CADM1: variants seen among roughly 807,000 people sequenced by gnomAD.
CADM1 encodes the protein TSLC-1.
In CADM1, 15 loss-of-function variants were observed where a neutral mutation model predicts 53.1. The observed-to-expected ratio is 0.28, with a 90% CI of 0.19 to 0.44. CADM1 has a LOEUF of 0.44. Among genes scored for constraint, CADM1 ranks in the 20% least tolerant of loss-of-function variants. The probability of loss-of-function intolerance (pLI) is 1.00; values close to 1 mark genes in which losing one functional copy is unlikely to be tolerated. For missense variants in CADM1, 434 were observed against 611.3 expected (o/e 0.71, Z 3.06); for synonymous variants, 281 against 243.0 (o/e 1.16, Z -1.45).
chr11:115,343,488 T>A (rs1308234528), intron 1 of CADM1, among the ~76,000 whole-genome samples: 1 of 152,122 alleles, frequency 6.6e-6, no homozygotes, highest in Non-Finnish European at 1.5e-5. Context: ...GACAGTCTGG[T>A]TAACTTATAC....
intron 8 of CADM1, among the ~76,000 whole-genome samples, chr11:115,207,549 T>C (rs1940755592): frequency 6.6e-6 from 1 of 151,466 alleles, no homozygotes; most frequent in Non-Finnish European, 1.5e-5. Flanking sequence ...AGATTGATTG[T>C]GAGGGGGAGG....
chr11:115,306,892 TA>T (rs1944390044), intron 1 of CADM1, among the ~76,000 whole-genome samples: 1 of 151,916 alleles, frequency 6.6e-6, no homozygotes, highest in Non-Finnish European at 1.5e-5. Flanking sequence ...TGGGCCTCAG[TA>T]AAAACTCGAT....
chr11:115,305,900 C>CAAAAA (rs35517673), intron 1 of CADM1, among the ~76,000 whole-genome samples: 166 of 80,766 alleles, frequency 2.1e-3, no homozygotes, highest in Middle Eastern at 6.5e-3. Context: ...GACTCCATCT[C>CAAAAA]AAAAAAAAAA....
intron 5 of CADM1, among the ~76,000 whole-genome samples, chr11:115,223,808 T>C (rs1941492672): frequency 1.3e-5 from 2 of 151,902 alleles, no homozygotes; most frequent in Admixed American, 6.6e-5. Flanking sequence ...AAAGAAATAA[T>C]AGGTTAAAAA....
At chr11:115,230,193 G>A (rs1565312067) in intron 4 of CADM1, among the ~76,000 whole-genome samples, 1 of 152,160 alleles carries the variant, frequency 6.6e-6, no homozygotes, top group African/African-American at 2.4e-5. Flanking sequence ...TGAAACTTAA[G>A]CTGTTATATA....
intron 1 of CADM1, among the ~76,000 whole-genome samples, chr11:115,303,580 T>C (rs982322164): frequency 6.6e-6 from 1 of 152,094 alleles, no homozygotes; most frequent in African/African-American, 2.4e-5. Flanking sequence ...AGGTCATTAG[T>C]GCAAACTAAC....
chr11:115,346,328 G>A (rs1005050189), intron 1 of CADM1, among the ~76,000 whole-genome samples: 1 of 152,102 alleles, frequency 6.6e-6, no homozygotes, highest in African/African-American at 2.4e-5. Context: ...AACCTACTGG[G>A]GTAAAATTTC....
intron 1 of CADM1, among the ~76,000 whole-genome samples, chr11:115,480,030 T>C (rs117117326): frequency 5.5e-3 from 832 of 152,338 alleles, no homozygotes; most frequent in Non-Finnish European, 9.7e-3. Flanking sequence ...ATAAATCTAC[T>C]TATCTTTAAA....
chr11:115,219,299 A>G (rs1017592105), intron 5 of CADM1, among the ~76,000 whole-genome samples: 2 of 152,294 alleles, frequency 1.3e-5, no homozygotes, highest in South Asian at 4.1e-4. Flanking sequence ...TAAGCTGCAC[A>G]AGGAAGTCCT....
chr11:115,311,669 T>C (rs1320885956), intron 1 of CADM1, among the ~76,000 whole-genome samples: 2 of 152,070 alleles, frequency 1.3e-5, no homozygotes, highest in African/African-American at 4.8e-5. Context: ...TGCCCCCAGT[T>C]TGACAGATGG....
At chr11:115,402,113 AC>A (rs1207449265) in intron 1 of CADM1, among the ~76,000 whole-genome samples, 1 of 152,202 alleles carries the variant, frequency 6.6e-6, no homozygotes, top group Admixed American at 6.5e-5. Context: ...TTTTATAAAA[AC>A]CCTTGTGCAT....
intron 1 of CADM1, among the ~76,000 whole-genome samples, chr11:115,380,079 C>T (rs544520382): frequency 3.9e-5 from 6 of 152,260 alleles, no homozygotes; most frequent in African/African-American, 1.2e-4. Context: ...TTTACAGCCC[C>T]TTCGCGTTTA....
intron 1 of CADM1, among the ~76,000 whole-genome samples, chr11:115,287,938 C>T (rs1410073897): frequency 6.6e-6 from 1 of 152,078 alleles, no homozygotes; most frequent in African/African-American, 2.4e-5. Flanking sequence ...ACAATAACAT[C>T]ATTATGTCAG....
intron 1 of CADM1, among the ~76,000 whole-genome samples, chr11:115,450,741 G>T (rs978785160): frequency 6.6e-6 from 1 of 152,210 alleles, no homozygotes; most frequent in African/African-American, 2.4e-5. Context: ...ATCATTGCCA[G>T]TGAGTATTAA....
At position 115,244,720 on chromosome 11, in the gene CADM1, T is replaced by C. The variant is rs920636357; in HGVS notation, c.125-4300A>G. ...TTGATGCCAAGGTTCATACTGGCTCTGCCTTGGAAAATGTACTTGTTTTTA... is the reference window on the plus strand; with the variant it reads ...TTGATGCCAAGGTTCATACTGGCTCCGCCTTGGAAAATGTACTTGTTTTTA... On this transcript the variant is annotated intron_variant, in intron 1 of 11. Transcript: ENST00000331581. Among the ~76,000 whole-genome samples, 3 of 152,256 alleles carry C rather than the reference T, an allele frequency of 2.0e-5. No homozygotes were observed. The South Asian group carries it at 6.2e-4, about 31-fold the overall frequency.
intron 1 of CADM1, among the ~76,000 whole-genome samples, chr11:115,390,319 C>T (rs1015495450): frequency 2.7e-5 from 4 of 150,556 alleles, no homozygotes; most frequent in Admixed American, 6.6e-5. Context: ...TGGACAAGCC[C>T]AATTATATTG....
At chr11:115,427,438 T>C (rs1008408481) in intron 1 of CADM1, among the ~76,000 whole-genome samples, 3 of 152,170 alleles carry the variant, frequency 2.0e-5, no homozygotes, top group African/African-American at 4.8e-5. Context: ...GACAGAATGA[T>C]ACTACGTATG....
At chr11:115,209,755 T>C in intron 7 of CADM1, 98 bp from the exon 8 acceptor site, 1 of 1,452,884 alleles carries the variant, frequency 6.9e-7, no homozygotes, top group Non-Finnish European at 9.4e-7. Context: ...AGATGTTTGT[T>C]TGATGGCTTC....
chr11:115,474,247 C>A (rs552783864), intron 1 of CADM1, among the ~76,000 whole-genome samples: 1 of 139,626 alleles, frequency 7.2e-6, no homozygotes, highest in African/African-American at 2.7e-5. Flanking sequence ...GCTGAGATAG[C>A]GCCACTGCAC....
Sources: gnomAD v4.1 joint callset for allele counts (sites outside exome capture counted in the v4.1 genomes callset) on GRCh38, gnomAD v4.1.1 for gene constraint, MANE v1.5 for transcripts, NCBI Gene and HGNC (gene_info 2026-07-23, HGNC 2026-07-21) for gene names.